Variants in HIBCH observed in about 807,000 individuals in gnomAD.
HIBCH encodes the protein 3-hydroxyisobutyryl-CoA hydrolase, mitochondrial.
A neutral mutation model predicts 58.2 loss-of-function variants in HIBCH; 50 were observed. The observed-to-expected ratio is 0.86, with a 90% confidence interval of 0.68 to 1.09. The LOEUF is 1.09. Ranked by LOEUF, HIBCH falls within the 50% of genes least tolerant of loss-of-function variation. The probability of loss-of-function intolerance (pLI) is 0.00; values close to 1 mark genes in which losing one functional copy is unlikely to be tolerated. For missense variants in HIBCH, 450 were observed against 449.7 expected (o/e 1.00, Z -0.01); for synonymous variants, 151 against 146.9 (o/e 1.03, Z -0.20).
Position 190,303,846 on chromosome 2 carries a change from TC to T in HIBCH, c.79-6894del, listed in dbSNP as rs200064059. 5.4e-3 allele frequency among the ~76,000 whole-genome samples: 826 copies of T among 152,232 alleles called. 4 individuals carry two copies. The highest frequency in any genetic ancestry group is 0.019 in the African/African-American group (785 of 41,544). Reference sequence around the variant, plus strand: ...ATGATGTCATGTAGATACCATGTACTCCCTGATGCATTTGTCAAAACCCACA... The same window carrying T: ...ATGATGTCATGTAGATACCATGTACTCCTGATGCATTTGTCAAAACCCACA... On this transcript the variant is annotated intron_variant, in intron 2 of 13. Transcript: ENST00000359678.
intron 2 of HIBCH, among the ~76,000 whole-genome samples, chr2:190,297,869 T>C (rs1163519154): frequency 6.6e-6 from 1 of 152,140 alleles, no homozygotes; most frequent in Non-Finnish European, 1.5e-5. Context: ...AAACCCTGCG[T>C]GCATTAGGTA....
intron 11 of HIBCH, among the ~76,000 whole-genome samples, chr2:190,226,130 G>A (rs1178630477): frequency 6.6e-6 from 1 of 152,168 alleles, no homozygotes; most frequent in African/African-American, 2.4e-5. Flanking sequence ...AGCTATTTAT[G>A]ACAAACCCAC....
At chr2:190,200,340 A>G (rs1690192119), downstream of HIBCH, 1 of 578,410 alleles carries the variant, frequency 1.7e-6, no homozygotes, top group Non-Finnish European at 3.1e-6. Context: ...ATTTCTGTTT[A>G]GTCTTAGATT....
rs148008075 is a variant in HIBCH at position 190,296,936 on chromosome 2, T to G, written c.96A>C (p.Thr32=). 3.1e-6 allele frequency: 5 copies of G among 1,614,032 alleles called. No individual in the cohort carries two copies. In the African/African-American group the frequency reaches 6.7e-5, roughly 22 times the overall value. ...CCAATAGCACCTCTTCTGCTGCATC[T>G]GTGTGCTTGGACATTCTCTGTATAA... The part of the protein sequence containing the change: ...ILHHLRMSKH[T]DAAEEVLLEK... The change falls in exon 3 of 14, where the codon ACA becomes ACC. Residue 32 remains threonine, a synonymous_variant. Coordinates refer to ENST00000359678, the MANE Select transcript of HIBCH (RefSeq NM_014362.4).
Position 190,252,073 on chromosome 2 carries a change from T to C in HIBCH, c.663+89A>G, listed in dbSNP as rs971480585. 2.5e-6 allele frequency: 3 copies of C among 1,214,812 alleles called. No homozygotes were observed. The African/African-American group carries it at 4.5e-5, about 18-fold the overall frequency. The allele number at this position is 1,214,812 out of a possible 1,614,324, so 75.3% of individuals were successfully genotyped here. On this transcript the variant is annotated intron_variant, in intron 8 of 13. Transcript: ENST00000359678. The stretch of plus-strand genomic sequence containing the variant: ...TCACACCACGATTTCACCAGAAGTC[T>C]GTGGCTCTCAACCACCCATTGTACC...
chr2:190,192,891 A>T (rs984924802), intron 1 of HIBCH, among the ~76,000 whole-genome samples: 2 of 151,810 alleles, frequency 1.3e-5, no homozygotes, highest in Non-Finnish European at 2.9e-5. Context: ...ATTCCAGTAA[A>T]TTTTTTTTGG....
chr2:190,294,049 T>TAC (rs1688039792), intron 4 of HIBCH, among the ~76,000 whole-genome samples: 1 of 140,452 alleles, frequency 7.1e-6, no homozygotes, highest in African/African-American at 2.6e-5. Flanking sequence ...TATATATATA[T>TAC]ATATAGCAAC....
chr2:190,234,162 A>C (rs192377619), intron 11 of HIBCH, among the ~76,000 whole-genome samples: 68 of 152,290 alleles, frequency 4.5e-4, no homozygotes, highest in African/African-American at 1.6e-3. Context: ...CATCTCAAAA[A>C]CACCACCACC....
At chr2:190,314,713 A>T (rs978117862) in intron 1 of HIBCH, among the ~76,000 whole-genome samples, 27 of 152,248 alleles carry the variant, frequency 1.8e-4, no homozygotes, top group African/African-American at 5.5e-4. Context: ...TCCCAACCTC[A>T]GGTGATCCGC....
chr2:190,233,275 G>A (rs1025618350), intron 11 of HIBCH, among the ~76,000 whole-genome samples: 1 of 152,094 alleles, frequency 6.6e-6, no homozygotes, highest in African/African-American at 2.4e-5. Flanking sequence ...CACTGAGAGA[G>A]AAAAGGCAAG....
At chr2:190,251,437 T>C (rs1686764880) in intron 8 of HIBCH, 1 of 366,248 alleles carries the variant, frequency 2.7e-6, no homozygotes, top group Non-Finnish European at 5.6e-6. Flanking sequence ...CCAAACCAGG[T>C]GAAGCAAAAT....
chr2:190,232,081 G>C lies in HIBCH; in HGVS notation c.891+12806C>G, dbSNP rs111865645. Among the ~76,000 whole-genome samples, 908 of 152,228 alleles carry C rather than the reference G, an allele frequency of 6.0e-3. 5 individuals carry two copies. The highest frequency in any genetic ancestry group is 0.021 in the African/African-American group (861 of 41,540). On this transcript the variant is annotated intron_variant, in intron 11 of 13. Transcript: ENST00000359678. ...ATGGTGGCGGGTGCCTGTAATCCCA[G>C]CTACTTGGGAGGCTGAGGCAGGAGA...
At chr2:190,232,203 T>A (rs1056349990) in intron 11 of HIBCH, among the ~76,000 whole-genome samples, 7 of 151,976 alleles carry the variant, frequency 4.6e-5, no homozygotes, top group African/African-American at 1.7e-4. Flanking sequence ...TCAAAAAAAT[T>A]TTTTTTAATT....
At position 190,304,073 on chromosome 2, in the gene HIBCH, G is replaced by T. The variant is rs1688340462; in HGVS notation, c.78+6681C>A. On this transcript the variant is annotated intron_variant, in intron 2 of 13. Transcript: ENST00000359678. The surrounding 1 kb of genome is among the most constrained non-coding windows in gnomAD (Gnocchi z 4.1). ...AAAGATAAGTTGAGAAACTATCACA[G>T]ACTAGAGGAAACTAAAAAGCATGAC... 6.6e-6 allele frequency among the ~76,000 whole-genome samples: 1 copy of T among 152,022 alleles called. No individual in the cohort carries two copies. Among genetic ancestry groups the T allele is most frequent in the Non-Finnish European group, 1.5e-5 (1 of 68,018 alleles).
intron 3 of HIBCH, 60 bp downstream of exon 3, chr2:190,296,753 T>C (rs1688112887): frequency 7.1e-7 from 1 of 1,410,406 alleles, no homozygotes; most frequent in Non-Finnish European, 1.0e-6. Context: ...ATACCAGAAA[T>C]GTCCTATTAT....
At chr2:190,241,380 C>T (rs1009197147) in intron 11 of HIBCH, among the ~76,000 whole-genome samples, 2 of 152,160 alleles carry the variant, frequency 1.3e-5, no homozygotes, top group African/African-American at 4.8e-5. Flanking sequence ...AGATGGGTCT[C>T]CTGAATCCAG....
rs371751000 is a variant in HIBCH, at chr2:190,208,890, G to A, written c.1035C>T (p.Gly345=). The change falls in exon 13 of 14, where the codon GGC becomes GGT. Residue 345 remains glycine, a synonymous_variant. Transcript: ENST00000359678. The part of the protein sequence containing the change: ...ACMRGHDFHE[G]VRAVLIDKDQ... ...CCATTTGCCACTTACCAGCTCTAAC[G>A]CCTTCATGAAAGTCATGACCTCTCT... The A allele has an allele frequency of 8.7e-6, 14 of 1,613,188 alleles. No individual in the cohort carries two copies. Among genetic ancestry groups the A allele is most frequent in the African/African-American group, 5.3e-5 (4 of 74,832 alleles).
Position 190,243,301 on chromosome 2 carries a change from C to T in HIBCH, c.891+1586G>A, listed in dbSNP as rs546593557. Among the ~76,000 whole-genome samples the T allele has an allele frequency of 6.6e-6, 1 of 152,304 alleles. No individual in the cohort carries two copies. Among genetic ancestry groups the T allele is most frequent in the South Asian group, 2.1e-4 (1 of 4,826 alleles). On this transcript the variant is annotated intron_variant, in intron 11 of 13. Transcript: ENST00000359678. The surrounding 1 kb of genome is among the most constrained non-coding windows in gnomAD (Gnocchi z 4.1). ...ATGCTTCCTGCCCTTGAACATCAGA[C>T]CCCAAGTTCTTCAGTTTTGATACTC...
chr2:190,314,787 C>G (rs887918944), intron 1 of HIBCH, among the ~76,000 whole-genome samples: 2 of 152,098 alleles, frequency 1.3e-5, no homozygotes, highest in African/African-American at 4.8e-5. Context: ...CCCATTCGTT[C>G]TAATTCAAAT....
Sources: allele counts gnomAD v4.1 joint callset (sites outside exome capture counted in the v4.1 genomes callset), GRCh38; gene constraint gnomAD v4.1.1; non-coding constraint Gnocchi (gnomAD v3.1); transcripts MANE v1.5; gene names NCBI Gene and HGNC (gene_info 2026-07-23, HGNC 2026-07-21).